Variants in TPTE2 observed in about 807,000 individuals in gnomAD.
TPTE2 encodes transmembrane phosphoinositide 3-phosphatase and tensin homolog 2.
A neutral mutation model predicts 78.6 loss-of-function variants in TPTE2; 53 were observed. The ratio of observed to expected loss-of-function variants is 0.67; its 90% CI spans 0.54 to 0.85. The LOEUF (loss-of-function observed/expected upper bound fraction) is 0.85, where lower values mean the gene tolerates loss of function less well. Among genes scored for constraint, TPTE2 ranks in the 40% least tolerant of loss-of-function variants. The pLI, the probability that TPTE2 is intolerant of heterozygous loss-of-function variation, is 0.00. For synonymous variants in TPTE2, 175 were observed against 206.2 expected (o/e 0.85, Z 1.30); for missense variants, 461 against 623.0 (o/e 0.74, Z 2.77).
intron 13 of TPTE2, among the ~76,000 whole-genome samples, chr13:19,442,882 G>A (rs568755650): frequency 1.3e-5 from 2 of 152,030 alleles, no homozygotes; most frequent in African/African-American, 4.8e-5. Flanking sequence ...TTCTATATAG[G>A]GAATTGAGCC....
chr13:19,502,774 T>G (rs968872167), intron 1 of TPTE2, among the ~76,000 whole-genome samples: 1 of 151,448 alleles, frequency 6.6e-6, no homozygotes, highest in Non-Finnish European at 1.5e-5. Context: ...AATGTGCACA[T>G]GTACCCTAAA....
chr13:19,555,787 T>C, the TPTE2 span, among the ~76,000 whole-genome samples: 2 of 148,172 alleles, frequency 1.3e-5, no homozygotes, highest in Non-Finnish European at 3.0e-5. Context: ...GCAGCTGCCC[T>C]GACAACAACA....
the TPTE2 span, among the ~76,000 whole-genome samples, chr13:19,557,287 C>G: frequency 6.6e-6 from 1 of 152,198 alleles, no homozygotes; most frequent in Non-Finnish European, 1.5e-5. Flanking sequence ...CCAAAACTAG[C>G]AATATTGACA....
chr13:19,466,335 T>C (rs1879267912), intron 7 of TPTE2, among the ~76,000 whole-genome samples: 1 of 152,226 alleles, frequency 6.6e-6, no homozygotes, highest in African/African-American at 2.4e-5. Flanking sequence ...GAGAACCACA[T>C]TGGCTGAGGT....
At chr13:19,537,741 T>C (rs563963311), upstream of TPTE2, among the ~76,000 whole-genome samples, 1 of 151,894 alleles carries the variant, frequency 6.6e-6, no homozygotes, top group Non-Finnish European at 1.5e-5. Flanking sequence ...TAGCTGGGAT[T>C]ACAGGTGCCC....
intron 3 of TPTE2, among the ~76,000 whole-genome samples, 168 bp downstream of exon 6, chr13:19,492,682 G>C (rs1881068664): frequency 6.6e-6 from 1 of 152,166 alleles, no homozygotes; most frequent in Non-Finnish European, 1.5e-5. Context: ...ATGTCCATCT[G>C]TCTCCGTGTT....
At chr13:19,491,491 G>C (rs1301816940) in intron 3 of TPTE2, among the ~76,000 whole-genome samples, 1 of 152,068 alleles carries the variant, frequency 6.6e-6, no homozygotes, top group Non-Finnish European at 1.5e-5. Context: ...GTTAATCAGA[G>C]ATTAATTAAA....
the TPTE2 span, among the ~76,000 whole-genome samples, chr13:19,553,653 G>T: frequency 3.3e-5 from 5 of 152,230 alleles, no homozygotes; most frequent in Non-Finnish European, 5.9e-5. Context: ...TAGCATGGAT[G>T]AATCTCAAAT....
At chr13:19,558,432 TC>T in the TPTE2 span, among the ~76,000 whole-genome samples, 1 of 152,206 alleles carries the variant, frequency 6.6e-6, no homozygotes, top group Non-Finnish European at 1.5e-5. Flanking sequence ...CTACATCTTT[TC>T]CTAGTCATTG....
At chr13:19,442,143 G>C (rs758625700) in intron 13 of TPTE2, among the ~76,000 whole-genome samples, 17 of 151,964 alleles carry the variant, frequency 1.1e-4, no homozygotes, top group Non-Finnish European at 1.8e-4. Flanking sequence ...CAAATGTACA[G>C]AAAACATTTG....
At chr13:19,507,388 A>G (rs1305640718), upstream of TPTE2, among the ~76,000 whole-genome samples, 2 of 151,996 alleles carry the variant, frequency 1.3e-5, no homozygotes, top group African/African-American at 2.4e-5. Context: ...ATAGACAACA[A>G]CAGCAACTAC....
chr13:19,451,219 C>A (rs1194691220), exon 11 of TPTE2: 1 of 1,613,276 alleles, frequency 6.2e-7, no homozygotes, highest in African/African-American at 1.3e-5. Context: ...AGAAACCGCA[C>A]AACTTCCTAA....
chr13:19,477,574 A>G (rs1304806554), intron 4 of TPTE2, among the ~76,000 whole-genome samples: 1 of 152,144 alleles, frequency 6.6e-6, no homozygotes, highest in East Asian at 1.9e-4. Context: ...CCTTACTACA[A>G]GAACCTCTGA....
chr13:19,470,772 C>G (rs1486611031), intron 6 of TPTE2, among the ~76,000 whole-genome samples: 1 of 151,848 alleles, frequency 6.6e-6, no homozygotes, highest in Admixed American at 6.6e-5. Context: ...GTAAACCACC[C>G]GCCTCTGCCT....
At chr13:19,451,279 T>TAAAATGG (rs1878168087) in intron 10 of TPTE2, 54 bp from the exon 14 acceptor site, 8 of 1,608,658 alleles carry the variant, frequency 5.0e-6, no homozygotes, top group Non-Finnish European at 6.8e-6. Flanking sequence ...ACACAAGCTA[T>TAAAATGG]TTCCTAGGGG....
intron 13 of TPTE2, among the ~76,000 whole-genome samples, chr13:19,441,014 G>T (rs1470834607): frequency 1.3e-5 from 2 of 151,996 alleles, no homozygotes; most frequent in Non-Finnish European, 2.9e-5. Context: ...TTGAACCTGG[G>T]GGGTGGAGGT....
At chr13:19,537,540 T>C (rs116717359), upstream of TPTE2, among the ~76,000 whole-genome samples, 1,309 of 114,310 alleles carry the variant, frequency 0.011, 13 homozygotes, top group African/African-American at 0.037. Flanking sequence ...GGCCACCTTC[T>C]ATTTGATTTT....
chr13:19,443,381 TTTTC>T (rs202072194), intron 13 of TPTE2, among the ~76,000 whole-genome samples: 5 of 143,856 alleles, frequency 3.5e-5, no homozygotes, highest in African/African-American at 1.2e-4. Context: ...GGAATTTCTT[TTTTC>T]TTTCTTTCTT....
Position 19,423,164 on chromosome 13 carries a change from C to G in TPTE2, c.1467G>C (p.Arg489Ser), listed in dbSNP as rs1190975831. The G allele has an allele frequency of 1.3e-6, 2 of 1,597,858 alleles. No individual in the cohort carries two copies. The highest frequency in any genetic ancestry group is 1.7e-6 in the Non-Finnish European group (2 of 1,173,626). The change falls in exon 20 of 20, where the codon AGG (arginine) becomes AGC (serine). Residue 489 changes from arginine (R) to serine (S), a missense_variant and splice_region_variant. Arg to Ser is a moderately radical substitution (Grantham distance 110, BLOSUM62 -1). Coordinates refer to ENST00000400230, the Ensembl canonical transcript of TPTE2. Reference sequence around the variant, plus strand: ...CCAATTCATTTCTTGGTAGACAAAGCCTAAGAATAGAAAAAAAAAATTACA... The same window carrying G: ...CCAATTCATTTCTTGGTAGACAAAGGCTAAGAATAGAAAAAAAAAATTACA...
Sources: gnomAD v4.1 joint callset for allele counts (sites outside exome capture counted in the v4.1 genomes callset) on GRCh38, gnomAD v4.1.1 for gene constraint, MANE v1.5 for transcripts, NCBI Gene and HGNC (gene_info 2026-07-23, HGNC 2026-07-21) for gene names.